PDE12: variants seen among roughly 807,000 people sequenced by gnomAD.
PDE12 encodes the protein phosphodiesterase 12, also known as 2',5'-phosphodiesterase 12.
In PDE12, 26 loss-of-function variants were observed where a neutral mutation model predicts 45.4. The observed-to-expected ratio is 0.57, with a 90% CI of 0.42 to 0.79. PDE12 has a LOEUF of 0.79. PDE12 is among the 30% of genes least tolerant of loss of function. The pLI is 0.00. For missense variants in PDE12, 668 were observed against 790.0 expected (o/e 0.85, Z 1.85); for synonymous variants, 283 against 323.9 (o/e 0.87, Z 1.36).
chr3:57,598,225 G>C, the PDE12 span: 1 of 152,064 alleles, frequency 6.6e-6, no homozygotes, highest in Admixed American at 6.6e-5. Flanking sequence ...TCACAGCAAT[G>C]ATAAATGTAT....
the PDE12 span, among the ~76,000 whole-genome samples, chr3:57,614,442 C>G: frequency 1.3e-5 from 2 of 151,618 alleles, no homozygotes; most frequent in Non-Finnish European, 2.9e-5. Context: ...GAAAGTAACA[C>G]TCTTCTAAAT....
chr3:57,588,306 TG>T, the PDE12 span, among the ~76,000 whole-genome samples: 2 of 152,226 alleles, frequency 1.3e-5, no homozygotes, highest in Non-Finnish European at 2.9e-5. Context: ...CACTCACACC[TG>T]TAATCCTAGC....
chr3:57,634,477 T>A, the PDE12 span: 2 of 665,546 alleles, frequency 3.0e-6, no homozygotes, highest in Non-Finnish European at 2.2e-6. Flanking sequence ...CACATTAGTA[T>A]ACATAAAGGA....
chr3:57,559,759 A>G lies in PDE12; in HGVS notation c.1585A>G (p.Arg529Gly), dbSNP rs749061608. The G allele has an allele frequency of 6.2e-7, 1 of 1,614,212 alleles. No individual in the cohort carries two copies. Among genetic ancestry groups the G allele is most frequent in the East Asian group, 2.2e-5 (1 of 44,878 alleles). Residue 529 changes from arginine to glycine, a missense_variant, in exon 3 of 3, where the codon AGA becomes GGA. Arg to Gly is a moderately radical substitution (Grantham distance 125). Around this residue, in one of 3 missense-constraint regions of PDE12, gnomAD observed 79 missense variants for 97.9 expected, o/e 0.81. Transcript: ENST00000311180. The part of the protein sequence containing the change: ...EDWASNGEEE[R>G]CNMSLTHFFK... Reference sequence around the variant, plus strand: ...CTGGGCTTCCAATGGGGAGGAGGAAAGATGCAATATGTCTCTTACACATTT... The same window carrying G: ...CTGGGCTTCCAATGGGGAGGAGGAAGGATGCAATATGTCTCTTACACATTT...
chr3:57,612,552 C>G, the PDE12 span, among the ~76,000 whole-genome samples: 1 of 151,960 alleles, frequency 6.6e-6, no homozygotes, highest in East Asian at 1.9e-4. Flanking sequence ...GCGGGCGGAT[C>G]ACAAAGCCAG....
At chr3:57,609,224 A>G in the PDE12 span, among the ~76,000 whole-genome samples, 28 of 152,200 alleles carry the variant, frequency 1.8e-4, no homozygotes, top group Non-Finnish European at 3.7e-4. Context: ...TCTCTGGGAC[A>G]CATTTAAAGC....
At chr3:57,607,027 G>A in the PDE12 span, among the ~76,000 whole-genome samples, 13 of 152,124 alleles carry the variant, frequency 8.5e-5, no homozygotes, top group South Asian at 2.1e-4. Flanking sequence ...CCACACAGCC[G>A]GGTACCCCTC....
the PDE12 span, among the ~76,000 whole-genome samples, chr3:57,614,404 T>A: frequency 1.3e-5 from 2 of 152,052 alleles, no homozygotes; most frequent in Admixed American, 6.6e-5. Flanking sequence ...AGAAAAAAAA[T>A]TTTGAAGGGG....
At chr3:57,601,012 T>G in the PDE12 span, 1 of 152,208 alleles carries the variant, frequency 6.6e-6, no homozygotes, top group South Asian at 2.1e-4. Flanking sequence ...AGCCATGTAC[T>G]TCATTTAATC....
chr3:57,649,175 C>G, the PDE12 span, among the ~76,000 whole-genome samples: 4 of 151,998 alleles, frequency 2.6e-5, no homozygotes, highest in African/African-American at 9.7e-5. Flanking sequence ...AATAAACAAT[C>G]CCATCAAAAA....
At position 57,559,618 on chromosome 3, in the gene PDE12, T is replaced by C; in HGVS notation, c.1444T>C (p.Ser482Pro). ...AGCCTTGGCTCACATAAGACATGTT[T>C]CATGTGATCTGTATCCTGGCATACC... Reference protein sequence around the residue: ...AVALAHIRHVSCDLYPGIPVI... With the variant: ...AVALAHIRHVPCDLYPGIPVI... Residue 482 changes from serine (S) to proline (P), a missense_variant, in exon 3 of 3, where the codon TCA (serine) becomes CCA (proline). Transcript: ENST00000311180. The C allele has an allele frequency of 1.2e-6, 2 of 1,613,710 alleles. No homozygotes were observed. The highest frequency in any genetic ancestry group is 1.7e-6 in the Non-Finnish European group (2 of 1,179,602).
In PDE12 at chr3:57,561,510, T is replaced by C. The variant is rs2069728162; in HGVS notation, c.*1506T>C. 1.0e-6 allele frequency: 1 copy of C among 984,768 alleles called. No homozygotes were observed. Among genetic ancestry groups the C allele is most frequent in the Non-Finnish European group, 1.2e-6 (1 of 829,360 alleles). 61.0% of individuals were successfully genotyped at this position (984,768 alleles called of 1,614,324 possible). On this transcript the variant is annotated 3_prime_UTR_variant, in exon 3 of 3. Coordinates refer to ENST00000311180, the MANE Select transcript of PDE12 (RefSeq NM_177966.7). ...ACAAATGGTTATACTGATTAGTGTC[T>C]AGCCTAGAGTGGTAACCATGCTTTA...
the PDE12 span, among the ~76,000 whole-genome samples, chr3:57,649,584 A>G: frequency 6.6e-6 from 1 of 151,924 alleles, no homozygotes; most frequent in African/African-American, 2.4e-5. Context: ...ACAATGCACA[A>G]TTGCAAAAAT....
chr3:57,576,124 G>GT, the PDE12 span, among the ~76,000 whole-genome samples: 28 of 152,188 alleles, frequency 1.8e-4, no homozygotes, highest in African/African-American at 6.7e-4. Flanking sequence ...GGTGTTGGCA[G>GT]TATCATGAAA....
chr3:57,628,151 G>T, the PDE12 span: 4 of 1,566,480 alleles, frequency 2.6e-6, no homozygotes, highest in Non-Finnish European at 3.5e-6. Context: ...TTGTGCGTCT[G>T]GTTGAAATGT....
the PDE12 span, among the ~76,000 whole-genome samples, chr3:57,578,938 T>A: frequency 5.3e-5 from 8 of 152,094 alleles, no homozygotes; most frequent in African/African-American, 1.7e-4. Context: ...AAGATAAACC[T>A]TGACTCCTAA....
chr3:57,633,230 C>A, the PDE12 span: 1 of 1,544,854 alleles, frequency 6.5e-7, no homozygotes, highest in South Asian at 1.1e-5. Flanking sequence ...TTCACCAAAT[C>A]ATTAAATTAT....
the PDE12 span, among the ~76,000 whole-genome samples, chr3:57,635,130 C>T: frequency 6.6e-6 from 1 of 152,166 alleles, no homozygotes. Flanking sequence ...ATAAAATACC[C>T]TTTAAGTATA....
At chr3:57,571,887 TA>T in the PDE12 span, 1 of 225,970 alleles carries the variant, frequency 4.4e-6, no homozygotes, top group Admixed American at 5.5e-5. Context: ...GGGATAACTT[TA>T]AAACATTATT....
Sources: gnomAD v4.1 joint callset for allele counts (sites outside exome capture counted in the v4.1 genomes callset) on GRCh38, gnomAD v4.1.1 for gene constraint, gnomAD v4.1.1 regional missense constraint, MANE v1.5 for transcripts, NCBI Gene and HGNC (gene_info 2026-07-23, HGNC 2026-07-21) for gene names.